EPS15L1: variants seen among roughly 807,000 people sequenced by gnomAD.
EPS15L1 encodes the protein epidermal growth factor receptor pathway substrate 15 like 1, also known as epidermal growth factor receptor substrate 15-like 1.
In EPS15L1, 43 loss-of-function variants were observed where a neutral mutation model predicts 117.1. That is an observed-to-expected ratio of 0.37 (90% CI 0.29 to 0.47). The LOEUF is 0.47. Ranked by LOEUF, EPS15L1 falls within the 20% of genes least tolerant of loss-of-function variation. The pLI, the probability that EPS15L1 is intolerant of heterozygous loss-of-function variation, is 0.99. For missense variants in EPS15L1, 981 were observed against 1,164.0 expected, an observed-to-expected ratio of 0.84 and a Z score of 2.29; for synonymous variants, 459 against 470.5, an observed-to-expected ratio of 0.98 and a Z score of 0.32.
intron 9 of EPS15L1, 99 bp downstream of exon 9, chr19:16,424,984 C>T: frequency 9.1e-7 from 1 of 1,096,042 alleles, no homozygotes; most frequent in East Asian, 2.4e-5. Flanking sequence ...AAAGACATTT[C>T]ATCACAAGCT....
At chr19:16,433,123 TTTTTTG>T (rs532672602) in intron 7 of EPS15L1, among the ~76,000 whole-genome samples, 10 of 148,464 alleles carry the variant, frequency 6.7e-5, no homozygotes, top group African/African-American at 2.5e-4. Flanking sequence ...ATTGAGGGTT[TTTTTTG>T]TTTTTGTTTT....
In EPS15L1 at chr19:16,402,484, G is replaced by A. The variant is rs758079325; in HGVS notation, c.1628C>T (p.Ala543Val). The A allele has an allele frequency of 5.0e-6, 8 of 1,593,410 alleles. No individual in the cohort carries two copies. Among genetic ancestry groups the A allele is most frequent in the Non-Finnish European group, 6.8e-6 (8 of 1,170,756 alleles). ...ATGCAGCTGGGAAAGTTTGCTCCTT[G>A]CCTGTGCAACAAAGACATCATCAGC... ...LKSTQDEINQ[A>V]RSKLSQLHES... The change falls in exon 16 of 24, where the codon GCA (alanine) becomes GTA (valine). Residue 543 changes from alanine (A) to valine (V), a missense_variant and splice_region_variant. Ala to Val is a moderately conservative substitution (Grantham distance 64). Coordinates refer to ENST00000455140, the MANE Select transcript of EPS15L1 (RefSeq NM_001258374.3).
intron 22 of EPS15L1, among the ~76,000 whole-genome samples, chr19:16,369,703 G>A (rs896587972): frequency 6.6e-6 from 1 of 151,932 alleles, no homozygotes; most frequent in Admixed American, 6.6e-5. Flanking sequence ...GTGTGTGTGT[G>A]TGTGTAGGGT....
intron 16 of EPS15L1, chr19:16,402,006 T>A: frequency 9.0e-7 from 1 of 1,110,556 alleles, no homozygotes; most frequent in Non-Finnish European, 1.1e-6. Context: ...TTTGGTTAAG[T>A]TTGAGAAGCC....
At chr19:16,399,024 C>G (rs950066526) in intron 16 of EPS15L1, among the ~76,000 whole-genome samples, 1 of 151,940 alleles carries the variant, frequency 6.6e-6, no homozygotes, top group African/African-American at 2.4e-5. Context: ...TCAGTCGTCA[C>G]TTGGAAGACT....
rs2092115595 is a variant in EPS15L1 at position 16,365,124 on chromosome 19, G to A, written c.2381-3140C>T. ...TGGCCTTCTCAGGGAAGAAATGGCA[G>A]CCCCTTCCCCATCATGCCTGTGTTC... On this transcript the variant is annotated intron_variant, in intron 22 of 23. Transcript: ENST00000455140. This position sits in a 1 kb window ranked among gnomAD's most constrained non-coding sequence, Gnocchi z 4.9. Among the ~76,000 whole-genome samples the A allele has an allele frequency of 6.6e-6, 1 of 152,230 alleles. No homozygotes were observed. Among genetic ancestry groups the A allele is most frequent in the South Asian group, 2.1e-4 (1 of 4,836 alleles).
intron 6 of EPS15L1, among the ~76,000 whole-genome samples, chr19:16,435,626 G>A (rs1192601159): frequency 1.3e-5 from 2 of 151,888 alleles, no homozygotes; most frequent in East Asian, 1.9e-4. Context: ...AGCTGTTGGT[G>A]CTAAGAAGCT....
intron 9 of EPS15L1, among the ~76,000 whole-genome samples, chr19:16,423,248 G>A (rs1048394037): frequency 1.3e-5 from 2 of 152,048 alleles, no homozygotes; most frequent in Non-Finnish European, 2.9e-5. Flanking sequence ...GTACAGCAAG[G>A]ACTTGATCAA....
chr19:16,453,346 CT>C, intron 1 of EPS15L1, among the ~76,000 whole-genome samples: 1 of 152,196 alleles, frequency 6.6e-6, no homozygotes, highest in East Asian at 1.9e-4. Context: ...TTCAAAAGAT[CT>C]TCCCACCGGG....
At chr19:16,356,858 G>C (rs1268362227) in intron 23 of EPS15L1, 4 of 152,200 alleles carry the variant, frequency 2.6e-5, no homozygotes, top group Non-Finnish European at 5.9e-5. Context: ...AGACTTCCCT[G>C]AGAGGTCACT....
intron 12 of EPS15L1, among the ~76,000 whole-genome samples, chr19:16,414,250 AC>A (rs994471577): frequency 6.6e-6 from 1 of 151,686 alleles, no homozygotes; most frequent in African/African-American, 2.4e-5. Context: ...GAGACCTCGG[AC>A]CCCCAGCCGC....
At chr19:16,422,555 G>C (rs2092827572) in intron 9 of EPS15L1, among the ~76,000 whole-genome samples, 1 of 152,140 alleles carries the variant, frequency 6.6e-6, no homozygotes, top group African/African-American at 2.4e-5. Context: ...GGGATCGATT[G>C]TTCCTTCTCC....
rs145893503 is a variant in EPS15L1 at position 16,407,532 on chromosome 19, G to A, written c.1267-2783C>T. On this transcript the variant is annotated intron_variant, in intron 13 of 23. Transcript: ENST00000455140. ...GTATAGACTGGGTTTCACCATGTTGGCCAGGCTGGTCTTGAACTCCTGGCC... is the reference window on the plus strand; with the variant it reads ...GTATAGACTGGGTTTCACCATGTTGACCAGGCTGGTCTTGAACTCCTGGCC... Among the ~76,000 whole-genome samples, 45 of 152,124 alleles carry A rather than the reference G, an allele frequency of 3.0e-4. No homozygotes were observed. In the East Asian group the frequency reaches 6.8e-3, roughly 23 times the overall value.
intron 1 of EPS15L1, among the ~76,000 whole-genome samples, chr19:16,445,410 G>A (rs1228479375): frequency 1.3e-5 from 2 of 152,178 alleles, no homozygotes; most frequent in Admixed American, 6.5e-5. Flanking sequence ...AGTGGTCAGA[G>A]GTTTTGATCT....
intron 23 of EPS15L1, 188 bp downstream of exon 23, chr19:16,361,591 T>G: frequency 7.5e-7 from 1 of 1,330,958 alleles, no homozygotes; most frequent in Non-Finnish European, 9.6e-7. Context: ...GGCTCTTTTT[T>G]TTTTTATTGA....
chr19:16,439,080 T>G (rs1394313667), intron 4 of EPS15L1, among the ~76,000 whole-genome samples: 3 of 151,738 alleles, frequency 2.0e-5, no homozygotes, highest in East Asian at 3.9e-4. Context: ...TTCTGTTTTT[T>G]TTTTTTTTTA....
rs2092226942 is a variant in EPS15L1, at chr19:16,371,670, G to A, written c.2380+5452C>T. 6.6e-6 allele frequency among the ~76,000 whole-genome samples: 1 copy of A among 152,232 alleles called. No homozygotes were observed. The highest frequency in any genetic ancestry group is 6.5e-5 in the Admixed American group (1 of 15,288). On this transcript the variant is annotated intron_variant, in intron 22 of 23. Coordinates refer to ENST00000455140, the MANE Select transcript of EPS15L1 (RefSeq NM_001258374.3). The surrounding 1 kb of genome is among the most constrained non-coding windows in gnomAD (Gnocchi z 4.7). Reference sequence around the variant, plus strand: ...CCGCAACGCAGGGCCGCGCTGGCAGGAAGTGGCAAGGGTGGGGCCGGTCGC... The same window carrying A: ...CCGCAACGCAGGGCCGCGCTGGCAGAAAGTGGCAAGGGTGGGGCCGGTCGC...
intron 17 of EPS15L1, 104 bp downstream of exon 17, chr19:16,395,240 T>G: frequency 9.1e-7 from 1 of 1,097,854 alleles, no homozygotes; most frequent in South Asian, 1.7e-5. Flanking sequence ...TCCCCCTCCA[T>G]TTCAGATTGT....
At chr19:16,368,704 G>A (rs2092175153) in intron 22 of EPS15L1, among the ~76,000 whole-genome samples, 1 of 150,800 alleles carries the variant, frequency 6.6e-6, no homozygotes, top group Non-Finnish European at 1.5e-5. Context: ...ACATAACACA[G>A]ACACCCACCT....
Sources: gnomAD v4.1 joint callset for allele counts (sites outside exome capture counted in the v4.1 genomes callset) on GRCh38, gnomAD v4.1.1 for gene constraint, Gnocchi (gnomAD v3.1) non-coding constraint, MANE v1.5 for transcripts, NCBI Gene and HGNC (gene_info 2026-07-23, HGNC 2026-07-21) for gene names.